The following ERICH1 variants were observed in gnomAD, a reference collection of about 807,000 sequenced individuals.
ERICH1 encodes glutamate-rich protein 1.
ERICH1 carries 56 observed loss-of-function variants against 39.6 expected under a neutral mutation model. The ratio of observed to expected loss-of-function variants is 1.41; its 90% confidence interval spans 1.14 to 1.77. ERICH1 has a LOEUF of 1.77. Among genes scored for constraint, ERICH1 ranks in the 40% most tolerant of loss-of-function variants. The pLI is 0.00. For missense variants in ERICH1, 826 were observed against 575.4 expected, an observed-to-expected ratio of 1.44 and a Z score of -4.45; for synonymous variants, 313 against 223.6, an observed-to-expected ratio of 1.40 and a Z score of -3.57.
chr8:653,952 A>G (rs1249649759), intron 3 of ERICH1, among the ~76,000 whole-genome samples: 1 of 152,048 alleles, frequency 6.6e-6, no homozygotes, highest in Non-Finnish European at 1.5e-5. Flanking sequence ...AGAAGGACAA[A>G]TCCCGCAGGG....
At chr8:664,799 C>T in intron 5 of ERICH1, 123 bp from the exon 6 acceptor site, 1 of 684,164 alleles carries the variant, frequency 1.5e-6, no homozygotes. Flanking sequence ...TAATAAAATG[C>T]AACTTTGGCA....
intron 3 of ERICH1, among the ~76,000 whole-genome samples, chr8:636,763 G>T (rs920344663): frequency 2.0e-5 from 3 of 152,258 alleles, no homozygotes; most frequent in Admixed American, 2.0e-4. Context: ...GCTCCCTGAT[G>T]AGGCCCCAGA....
chr8:658,499 C>G (rs1800956580), intron 3 of ERICH1, among the ~76,000 whole-genome samples: 2 of 152,228 alleles, frequency 1.3e-5, no homozygotes. Flanking sequence ...CATCCCATCC[C>G]CGAGGCACAG....
chr8:699,879 A>C, intron 2 of ERICH1, among the ~76,000 whole-genome samples: 1 of 88,596 alleles, frequency 1.1e-5, no homozygotes, highest in South Asian at 4.3e-4. Flanking sequence ...TCACAGGCGC[A>C]CAGATCCGCA....
intron 1 of ERICH1, among the ~76,000 whole-genome samples, chr8:720,635 G>T (rs1025649450): frequency 6.6e-6 from 1 of 152,218 alleles, no homozygotes; most frequent in African/African-American, 2.4e-5. Flanking sequence ...ACAGTTTACA[G>T]CCACGGGAAA....
chr8:690,635 G>A (rs910565261), intron 3 of ERICH1, among the ~76,000 whole-genome samples: 2 of 152,250 alleles, frequency 1.3e-5, no homozygotes, highest in Non-Finnish European at 2.9e-5. Context: ...CTGCCTGGGC[G>A]ACAAGGCCCT....
chr8:685,740 C>T (rs1268732458), intron 3 of ERICH1, among the ~76,000 whole-genome samples: 1 of 152,280 alleles, frequency 6.6e-6, no homozygotes, highest in East Asian at 1.9e-4. Context: ...CATCTTTTTC[C>T]GAGGCCTTGT....
At chr8:635,267 G>C (rs186768) in intron 3 of ERICH1, among the ~76,000 whole-genome samples, 7 of 152,004 alleles carry the variant, frequency 4.6e-5, no homozygotes, top group Non-Finnish European at 1.0e-4. Flanking sequence ...CTTGAGTTGC[G>C]TCAGGTCCAT....
chr8:727,058 C>CACACAT (rs1440913529), intron 1 of ERICH1, among the ~76,000 whole-genome samples: 3 of 151,470 alleles, frequency 2.0e-5, no homozygotes, highest in Non-Finnish European at 4.4e-5. Context: ...TACACATGCA[C>CACACAT]ACACGTACAC....
intron 2 of ERICH1, among the ~76,000 whole-genome samples, chr8:697,743 G>A (rs1035159827): frequency 6.6e-6 from 1 of 152,064 alleles, no homozygotes; most frequent in African/African-American, 2.4e-5. Flanking sequence ...AGAGGGGAGG[G>A]ACTTCAGCTG....
At chr8:668,504 C>T in intron 5 of ERICH1, 94 bp downstream of exon 5, 1 of 1,331,704 alleles carries the variant, frequency 7.5e-7, no homozygotes, top group South Asian at 1.2e-5. Context: ...TATTTTCCAA[C>T]TCATTGCTGT....
At chr8:688,124 G>C (rs1365379557) in intron 3 of ERICH1, among the ~76,000 whole-genome samples, 1 of 152,198 alleles carries the variant, frequency 6.6e-6, no homozygotes, top group East Asian at 1.9e-4. Context: ...CAGGAGAGGA[G>C]GGAGGGTCTG....
In ERICH1 at chr8:668,699, ACGTCTGAGGGCAG is replaced by A. The variant is rs1802678182; in HGVS notation, c.1144_1156del (p.Leu382CysfsTer7). 1.2e-6 allele frequency: 2 copies of A among 1,614,116 alleles called. No individual in the cohort carries two copies. Among genetic ancestry groups the A allele is most frequent in the African/African-American group, 2.7e-5 (2 of 75,074 alleles). Reference sequence around the variant, plus strand: ...CGTTTTCATGTGGTACAGGATGGACACGTCTGAGGGCAGCATGCTGTGTGACGCAAGGCGGTCC... The same window carrying A: ...CGTTTTCATGTGGTACAGGATGGACACATGCTGTGTGACGCAAGGCGGTCC... On this transcript the variant is annotated frameshift_variant, in exon 5 of 6. Coordinates refer to ENST00000262109, the MANE Select transcript of ERICH1 (RefSeq NM_207332.3). LOFTEE classifies it high-confidence loss of function.
At chr8:722,641 C>A (rs76984914) in intron 1 of ERICH1, among the ~76,000 whole-genome samples, 1 of 152,162 alleles carries the variant, frequency 6.6e-6, no homozygotes, top group Non-Finnish European at 1.5e-5. Flanking sequence ...GTTGGGTATG[C>A]GACTCCTGGT....
At chr8:706,820 A>G (rs752680889) in intron 2 of ERICH1, among the ~76,000 whole-genome samples, 7 of 152,214 alleles carry the variant, frequency 4.6e-5, no homozygotes, top group Non-Finnish European at 1.0e-4. Flanking sequence ...GAAAACTACA[A>G]AAGATGGTTG....
At chr8:689,544 C>G (rs776461992) in intron 3 of ERICH1, among the ~76,000 whole-genome samples, 11 of 152,226 alleles carry the variant, frequency 7.2e-5, no homozygotes, top group East Asian at 1.9e-4. Context: ...CTGGAGGTGT[C>G]TGGCAGGAGC....
rs1799645045 is a variant in ERICH1, at chr8:649,408, C to T, written c.976+19190G>A. 1.3e-5 allele frequency among the ~76,000 whole-genome samples: 2 copies of T among 151,554 alleles called. 1 individual carries two copies. Among genetic ancestry groups the T allele is most frequent in the Non-Finnish European group, 2.9e-5 (2 of 67,840 alleles). ...TACGCTCACAGTGTGGTTAAACTGG[C>T]TTCTCGGCTAAGAGCGGGGCTTGCT... On this transcript the variant is annotated intron_variant, in intron 3 of 3. Transcript: ENST00000522706.
chr8:731,220 C>T lies in ERICH1; in HGVS notation c.-59G>A, dbSNP rs970158481. 5 of 1,413,678 alleles carry T rather than the reference C, an allele frequency of 3.5e-6. No individual in the cohort carries two copies. Among genetic ancestry groups the T allele is most frequent in the African/African-American group, 1.5e-5 (1 of 66,990 alleles). 87.6% of individuals were successfully genotyped at this position (1,413,678 alleles called of 1,614,324 possible). On this transcript the variant is annotated 5_prime_UTR_variant, in exon 1 of 6. Transcript: ENST00000262109. ...CGCGGTCCTGAGCTGAGCGCCGTGC[C>T]TTCCGGGTTCCGCCCTCCTGGGTCC...
At chr8:696,949 C>A (rs1337775352) in intron 2 of ERICH1, among the ~76,000 whole-genome samples, 1 of 152,058 alleles carries the variant, frequency 6.6e-6, no homozygotes, top group African/African-American at 2.4e-5. Flanking sequence ...CCCTCCACTC[C>A]TTCCTCCCCA....
Sources: allele counts gnomAD v4.1 joint callset (sites outside exome capture counted in the v4.1 genomes callset), GRCh38; gene constraint gnomAD v4.1.1; transcripts MANE v1.5; gene names NCBI Gene and HGNC (gene_info 2026-07-23, HGNC 2026-07-21).